NDE1: variants seen among roughly 807,000 people sequenced by gnomAD.
NDE1 encodes the protein nudE neurodevelopment protein 1.
In NDE1, 28 loss-of-function variants were observed where a neutral mutation model predicts 43.4. The ratio of observed to expected loss-of-function variants is 0.65; its 90% CI spans 0.48 to 0.89. NDE1 has a LOEUF of 0.89. Among genes scored for constraint, NDE1 ranks in the 40% least tolerant of loss-of-function variants. NDE1 has a pLI of 0.00. For synonymous variants in NDE1, 184 were observed against 172.0 expected (o/e 1.07, Z -0.55); for missense variants, 441 against 434.1 (o/e 1.02, Z -0.14).
rs372446744 is a variant in NDE1 at position 15,663,821 on chromosome 16, C to T, written c.-43-915C>T. Among the ~76,000 whole-genome samples the T allele has an allele frequency of 1.1e-4, 16 of 151,236 alleles. No individual in the cohort carries two copies. In the East Asian group the frequency reaches 1.2e-3, roughly 12 times the overall value. ...GTGGTTCACGCCTGTAATACCAGCA[C>T]TTTGGGAGGCTGAGGTGGGTGGTTC... On this transcript the variant is annotated intron_variant, in intron 1 of 8. Transcript: ENST00000396354.
At chr16:15,687,953 T>C (rs1307009983) in intron 5 of NDE1, among the ~76,000 whole-genome samples, 1 of 150,912 alleles carries the variant, frequency 6.6e-6, no homozygotes, top group Non-Finnish European at 1.5e-5. Flanking sequence ...AGGCCGAGGA[T>C]CTCTTGAGCC....
At chr16:15,716,682 C>G (rs907381107) in intron 8 of NDE1, among the ~76,000 whole-genome samples, 4 of 152,120 alleles carry the variant, frequency 2.6e-5, no homozygotes, top group Non-Finnish European at 4.4e-5. Flanking sequence ...CCACCACACT[C>G]GGCTAATTTT....
chr16:15,691,449 G>C, intron 6 of NDE1, 126 bp downstream of exon 6: 1 of 1,109,422 alleles, frequency 9.0e-7, no homozygotes. Context: ...CTCAGGCTTT[G>C]AGCAGAGAGT....
At chr16:15,694,345 CT>C in intron 7 of NDE1, 89 bp downstream of exon 7, 1 of 1,552,046 alleles carries the variant, frequency 6.4e-7, no homozygotes, top group Non-Finnish European at 8.7e-7. Flanking sequence ...TCCCTCTCTT[CT>C]TTTTTTCTTT....
chr16:15,716,402 A>C (rs2040140858), intron 8 of NDE1, among the ~76,000 whole-genome samples: 1 of 152,236 alleles, frequency 6.6e-6, no homozygotes, highest in African/African-American at 2.4e-5. Flanking sequence ...GAGAATCCTT[A>C]GAATCCAATG....
upstream of NDE1, among the ~76,000 whole-genome samples, chr16:15,649,693 A>AG (rs1277810614): frequency 2.0e-5 from 3 of 152,294 alleles, no homozygotes; most frequent in Non-Finnish European, 4.4e-5. Flanking sequence ...CCACACAGTT[A>AG]GTAAGGGGCA....
chr16:15,668,860 C>G (rs139334857), intron 3 of NDE1, among the ~76,000 whole-genome samples: 1 of 152,094 alleles, frequency 6.6e-6, no homozygotes, highest in Admixed American at 6.6e-5. Flanking sequence ...GATCATCCTC[C>G]GTTGGGAGGG....
At chr16:15,664,937 T>G in intron 2 of NDE1, 76 bp downstream of exon 2, 2 of 1,161,652 alleles carry the variant, frequency 1.7e-6, no homozygotes, top group South Asian at 1.2e-5. Flanking sequence ...CTAGGCTGAG[T>G]GCGGTGGCTG....
intron 3 of NDE1, among the ~76,000 whole-genome samples, chr16:15,673,547 A>ATTT (rs34853720): frequency 0.014 from 1,955 of 137,614 alleles, 48 homozygotes; most frequent in African/African-American, 0.05. Context: ...CAGGCTGGTG[A>ATTT]TTTTTTTTTT....
At chr16:15,685,384 G>A (rs755023341) in intron 4 of NDE1, among the ~76,000 whole-genome samples, 1 of 151,992 alleles carries the variant, frequency 6.6e-6, no homozygotes, top group African/African-American at 2.4e-5. Context: ...CCTCCGAGTA[G>A]CTGGGACTAC....
At chr16:15,649,020 AC>A, upstream of NDE1, among the ~76,000 whole-genome samples, 1 of 151,972 alleles carries the variant, frequency 6.6e-6, no homozygotes, top group African/African-American at 2.4e-5. Flanking sequence ...ACATGGTGAA[AC>A]CCCGTCTCTA....
chr16:15,649,214 A>C (rs1357755781), upstream of NDE1: 1 of 152,178 alleles, frequency 6.6e-6, no homozygotes, highest in African/African-American at 2.4e-5. Context: ...TAAATAAACA[A>C]AATCAAGATC....
intron 8 of NDE1, among the ~76,000 whole-genome samples, chr16:15,720,467 C>T (rs2040407402): frequency 6.6e-6 from 1 of 152,022 alleles, no homozygotes; most frequent in Non-Finnish European, 1.5e-5. Flanking sequence ...GGAATCACGC[C>T]GGGCGTGGGT....
At chr16:15,677,695 C>A in intron 3 of NDE1, 106 bp from the exon 4 acceptor site, 2 of 1,279,182 alleles carry the variant, frequency 1.6e-6, no homozygotes, top group Non-Finnish European at 2.2e-6. Flanking sequence ...GCAGTCCTCC[C>A]AGTTTAGCCT....
At chr16:15,643,576 T>C (rs2036204431) in exon 1 of NDE1, 16 of 313,154 alleles carry the variant, frequency 5.1e-5, no homozygotes, top group South Asian at 3.9e-4. Context: ...TCGGCTTTTT[T>C]TTTTTCCTCT....
At chr16:15,692,442 C>T (rs1424270441) in intron 6 of NDE1, among the ~76,000 whole-genome samples, 1 of 152,172 alleles carries the variant, frequency 6.6e-6, no homozygotes, top group Non-Finnish European at 1.5e-5. Flanking sequence ...TGGAGTTTTG[C>T]TCTGTTGCCC....
At chr16:15,706,127 G>A (rs903789901) in intron 8 of NDE1, among the ~76,000 whole-genome samples, 4 of 152,004 alleles carry the variant, frequency 2.6e-5, no homozygotes, top group Non-Finnish European at 1.5e-5. Flanking sequence ...GGGACTTCCC[G>A]CAGTGCAGCG....
chr16:15,719,549 C>T (rs376093154), intron 8 of NDE1: 101 of 1,612,946 alleles, frequency 6.3e-5, no homozygotes, highest in Middle Eastern at 1.8e-4. Flanking sequence ...CCGTGACACC[C>T]GCATCTGAGG....
At chr16:15,668,343 G>A (rs966337476) in intron 3 of NDE1, among the ~76,000 whole-genome samples, 4 of 152,216 alleles carry the variant, frequency 2.6e-5, no homozygotes, top group African/African-American at 9.6e-5. Flanking sequence ...GCAACAGAGC[G>A]AGACTCCGTC....
Sources: allele counts gnomAD v4.1 joint callset (sites outside exome capture counted in the v4.1 genomes callset), GRCh38; gene constraint gnomAD v4.1.1; transcripts MANE v1.5; gene names NCBI Gene and HGNC (gene_info 2026-07-23, HGNC 2026-07-21).